The following APLF variants were observed in gnomAD, a reference collection of about 807,000 sequenced individuals.
APLF encodes the protein aprataxin and PNK-like factor.
In APLF, 61 loss-of-function variants were observed where a neutral mutation model predicts 55.6. That is an observed-to-expected ratio of 1.10 (90% CI 0.89 to 1.36). The LOEUF is 1.36. Among genes scored for constraint, APLF ranks in the 40% most tolerant of loss-of-function variants. The pLI is 0.00. For missense variants in APLF, 611 were observed against 602.5 expected (o/e 1.01, Z -0.15); for synonymous variants, 207 against 214.8 (o/e 0.96, Z 0.32).
intron 8 of APLF, 138 bp downstream of exon 8, chr2:68,545,450 T>C (rs1214345257): frequency 1.8e-6 from 2 of 1,097,296 alleles, no homozygotes; most frequent in East Asian, 5.0e-5. Flanking sequence ...GGTTTTCATG[T>C]TGGTAATAGG....
chr2:68,576,140 A>C (rs1671614049), intron 9 of APLF, among the ~76,000 whole-genome samples: 1 of 152,120 alleles, frequency 6.6e-6, no homozygotes, highest in Non-Finnish European at 1.5e-5. Flanking sequence ...CTGTTTATTG[A>C]GATATCATTA....
At chr2:68,560,253 C>T (rs960070531) in intron 8 of APLF, among the ~76,000 whole-genome samples, 1 of 152,118 alleles carries the variant, frequency 6.6e-6, no homozygotes, top group Non-Finnish European at 1.5e-5. Flanking sequence ...AAAGCAGAAA[C>T]TCTCTGCTTG....
At chr2:68,546,854 C>A (rs1670721905) in intron 8 of APLF, among the ~76,000 whole-genome samples, 1 of 151,568 alleles carries the variant, frequency 6.6e-6, no homozygotes, top group African/African-American at 2.4e-5. Flanking sequence ...ACAAGAATGC[C>A]TGTTATTACC....
At chr2:68,477,548 G>A (rs1675817959) in intron 1 of APLF, among the ~76,000 whole-genome samples, 1 of 152,166 alleles carries the variant, frequency 6.6e-6, no homozygotes, top group South Asian at 2.1e-4. Flanking sequence ...GCTGAGGTGG[G>A]AACCTCACTT....
Position 68,557,137 on chromosome 2 carries a change from G to A in APLF, c.1287-10204G>A, listed in dbSNP as rs114398394. Among the ~76,000 whole-genome samples the A allele has an allele frequency of 4.0e-3, 616 of 152,118 alleles. 2 individuals are homozygous for A. The highest frequency in any genetic ancestry group is 0.02 in the Middle Eastern group (6 of 294). On this transcript the variant is annotated intron_variant, in intron 8 of 9. Coordinates refer to ENST00000303795, the MANE Select transcript of APLF (RefSeq NM_173545.3). Reference sequence around the variant, plus strand: ...GGACCCCAGGGCATACCAAAATCTGGGGATGCTCAAGTCCCTTATGTACAA... The same window carrying A: ...GGACCCCAGGGCATACCAAAATCTGAGGATGCTCAAGTCCCTTATGTACAA...
At chr2:68,549,765 A>C (rs950537920) in intron 8 of APLF, among the ~76,000 whole-genome samples, 2 of 152,018 alleles carry the variant, frequency 1.3e-5, no homozygotes, top group African/African-American at 4.8e-5. Flanking sequence ...CTTCACTATG[A>C]TTATAGGTTT....
intron 5 of APLF, among the ~76,000 whole-genome samples, chr2:68,514,612 T>TA (rs1402467949): frequency 6.6e-6 from 1 of 151,740 alleles, no homozygotes; most frequent in African/African-American, 2.4e-5. Context: ...GTCAAGTTTT[T>TA]ATGTAGGTTT....
At chr2:68,493,254 A>G (rs1455003159) in intron 2 of APLF, among the ~76,000 whole-genome samples, 1 of 152,164 alleles carries the variant, frequency 6.6e-6, no homozygotes, top group African/African-American at 2.4e-5. Context: ...TGACTGGGCC[A>G]GGGCTAGCAT....
chr2:68,495,416 C>CTCCAAAG (rs1415454445), intron 2 of APLF, among the ~76,000 whole-genome samples: 1 of 152,238 alleles, frequency 6.6e-6, no homozygotes, highest in Non-Finnish European at 1.5e-5. Flanking sequence ...AGTCTCAAAG[C>CTCCAAAG]TCCAAAGTAA....
chr2:68,469,094 GTTCATTTTTTTACTGGACAA>G (rs1675534917), intron 1 of APLF, among the ~76,000 whole-genome samples: 1 of 151,736 alleles, frequency 6.6e-6, no homozygotes, highest in Non-Finnish European at 1.5e-5. Context: ...TTCAATTGCT[GTTCATTTTTTTACTGGACAA>G]GTGATTATTT....
At chr2:68,507,671 G>A (rs903645749) in intron 3 of APLF, among the ~76,000 whole-genome samples, 3 of 151,914 alleles carry the variant, frequency 2.0e-5, no homozygotes, top group Admixed American at 2.0e-4. Context: ...CTCCCCAATA[G>A]TGGGTGCTTA....
chr2:68,525,149 C>T (rs1161805998), intron 5 of APLF, among the ~76,000 whole-genome samples: 2 of 151,896 alleles, frequency 1.3e-5, no homozygotes, highest in African/African-American at 4.8e-5. Context: ...CAAAATTTAA[C>T]CAGGCATGGA....
intron 2 of APLF, among the ~76,000 whole-genome samples, chr2:68,497,968 A>G (rs1252284161): frequency 1.3e-5 from 2 of 152,052 alleles, no homozygotes; most frequent in Admixed American, 6.5e-5. Context: ...ATATAGTTTA[A>G]TAAAATGCCC....
chr2:68,508,723 T>C (rs1401924162), intron 3 of APLF, among the ~76,000 whole-genome samples: 4 of 152,002 alleles, frequency 2.6e-5, no homozygotes, highest in East Asian at 1.9e-4. Context: ...AAAACTACTT[T>C]AAAGTTCATA....
In APLF at chr2:68,522,290, A is replaced by T. The variant is rs1307306232; in HGVS notation, c.623-3771A>T. On this transcript the variant is annotated intron_variant, in intron 5 of 9. Coordinates refer to ENST00000303795, the MANE Select transcript of APLF (RefSeq NM_173545.3). ...TTGAATTATTTAAAAATGTTTTGGT[A>T]TAGAAATAGTTTTGCATTTTCATGT... Among the ~76,000 whole-genome samples the T allele has an allele frequency of 3.3e-5, 5 of 151,888 alleles. No homozygotes were observed. The East Asian group carries it at 9.6e-4, about 29-fold the overall frequency.
intron 9 of APLF, among the ~76,000 whole-genome samples, chr2:68,575,237 G>A (rs1671589854): frequency 6.6e-6 from 1 of 152,162 alleles, no homozygotes; most frequent in Non-Finnish European, 1.5e-5. Flanking sequence ...ATTATCTAAG[G>A]AAGAATATGC....
intron 8 of APLF, among the ~76,000 whole-genome samples, chr2:68,555,552 T>A (rs898616847): frequency 6.6e-6 from 1 of 151,990 alleles, no homozygotes; most frequent in South Asian, 2.1e-4. Context: ...AACAAACATA[T>A]GAAAAAATGC....
At chr2:68,535,603 CTTT>C (rs200351772) in intron 6 of APLF, among the ~76,000 whole-genome samples, 2 of 128,732 alleles carry the variant, frequency 1.6e-5, no homozygotes, top group Non-Finnish European at 1.7e-5. Flanking sequence ...TAGCTGTGCT[CTTT>C]TTTTTTTTTT....
At chr2:68,500,640 T>C (rs1168170203) in intron 2 of APLF, among the ~76,000 whole-genome samples, 1 of 152,224 alleles carries the variant, frequency 6.6e-6, no homozygotes, top group African/African-American at 2.4e-5. Flanking sequence ...GGTCTTAGCC[T>C]ATAATCAGAA....
Sources: gnomAD v4.1 joint callset for allele counts (sites outside exome capture counted in the v4.1 genomes callset) on GRCh38, gnomAD v4.1.1 for gene constraint, MANE v1.5 for transcripts, NCBI Gene and HGNC (gene_info 2026-07-23, HGNC 2026-07-21) for gene names.